The following NELL1 variants were observed in gnomAD, a reference collection of about 807,000 sequenced individuals.
The protein encoded by NELL1 is neural EGFL like 1.
Under a neutral mutation model 107.4 loss-of-function variants are expected in NELL1, and 76 were observed. That is an observed-to-expected ratio of 0.71 (90% CI 0.59 to 0.86). The LOEUF is 0.86. Ranked by LOEUF, NELL1 falls within the 40% of genes least tolerant of loss-of-function variation. NELL1 has a pLI of 0.00. For synonymous variants in NELL1, 353 were observed against 341.2 expected (o/e 1.03, Z -0.38); for missense variants, 1,024 against 1,005.5 (o/e 1.02, Z -0.25).
At chr11:20,755,635 A>C (rs1856260594) in intron 2 of NELL1, among the ~76,000 whole-genome samples, 1 of 146,404 alleles carries the variant, frequency 6.8e-6, no homozygotes, top group South Asian at 2.2e-4. Flanking sequence ...AGCTCACTGC[A>C]ACCTCTGTCT....
intron 15 of NELL1, among the ~76,000 whole-genome samples, chr11:21,378,976 C>A (rs1851548405): frequency 6.6e-6 from 1 of 151,926 alleles, no homozygotes; most frequent in South Asian, 2.1e-4. Context: ...CCTCAGCCTC[C>A]CAAAGTGTGC....
intron 12 of NELL1, among the ~76,000 whole-genome samples, chr11:21,076,872 G>A (rs568923610): frequency 6.6e-6 from 1 of 151,860 alleles, no homozygotes; most frequent in Non-Finnish European, 1.5e-5. Flanking sequence ...CTCTGTACAC[G>A]CTGAATCCCC....
At position 20,940,188 on chromosome 11, in the gene NELL1, C is replaced by CGTCCCTCTCTCT. The variant is rs1850819566; in HGVS notation, c.1071+2330_1071+2341dup. 2.0e-5 allele frequency among the ~76,000 whole-genome samples: 3 copies of CGTCCCTCTCTCT among 151,882 alleles called. No individual in the cohort carries two copies. The South Asian group carries it at 6.2e-4, about 32-fold the overall frequency. ...CTCTCCCTCCCTTCCTCCCTCCCTC[C>CGTCCCTCTCTCT]GTCCCTCTCTCTCTCTCTCTGTATG... On this transcript the variant is annotated intron_variant, in intron 10 of 19. Coordinates refer to ENST00000357134, the MANE Select transcript of NELL1 (RefSeq NM_006157.5).
At chr11:21,565,479 T>G (rs1398623099) in intron 17 of NELL1, among the ~76,000 whole-genome samples, 1 of 151,884 alleles carries the variant, frequency 6.6e-6, no homozygotes, top group Non-Finnish European at 1.5e-5. Context: ...GGCTCTACCC[T>G]CAGTATTTTC....
chr11:20,926,740 T>C (rs924643284), intron 7 of NELL1, among the ~76,000 whole-genome samples: 4 of 152,228 alleles, frequency 2.6e-5, no homozygotes, highest in Non-Finnish European at 5.9e-5. Flanking sequence ...TTTCCTGTCC[T>C]TCTTCTAAGC....
chr11:21,249,674 A>T (rs1858588340), intron 14 of NELL1, among the ~76,000 whole-genome samples: 1 of 152,220 alleles, frequency 6.6e-6, no homozygotes, highest in African/African-American at 2.4e-5. Context: ...TAAGGTCACA[A>T]ATTGAATCAA....
At chr11:21,344,160 G>T (rs527712417) in intron 14 of NELL1, among the ~76,000 whole-genome samples, 1 of 152,162 alleles carries the variant, frequency 6.6e-6, no homozygotes, top group African/African-American at 2.4e-5. Context: ...GCCCTCAAAT[G>T]TTGTGGCTTT....
At chr11:21,396,687 A>G (rs58873646) in intron 15 of NELL1, among the ~76,000 whole-genome samples, 3,662 of 151,750 alleles carry the variant, frequency 0.024, 66 homozygotes, top group East Asian at 0.065. Context: ...GATCTTTGGT[A>G]GGGTTTTAGA....
chr11:21,522,568 C>T (rs1041607746), intron 15 of NELL1, among the ~76,000 whole-genome samples: 9 of 151,770 alleles, frequency 5.9e-5, no homozygotes, highest in Non-Finnish European at 1.2e-4. Context: ...TGAAGGTGTG[C>T]GGGGTGGGAG....
At chr11:21,571,886 C>G (rs753000582) in intron 18 of NELL1, among the ~76,000 whole-genome samples, 9 of 151,860 alleles carry the variant, frequency 5.9e-5, no homozygotes, top group Non-Finnish European at 1.3e-4. Flanking sequence ...CGTAATTTAA[C>G]ATTTGCTGAC....
At chr11:20,897,155 T>C (rs1256156197) in intron 5 of NELL1, among the ~76,000 whole-genome samples, 2 of 152,156 alleles carry the variant, frequency 1.3e-5, no homozygotes, top group Non-Finnish European at 2.9e-5. Flanking sequence ...CTACCTGACT[T>C]CAAACTATAC....
intron 15 of NELL1, among the ~76,000 whole-genome samples, chr11:21,523,354 T>C (rs1855775078): frequency 6.6e-6 from 1 of 152,184 alleles, no homozygotes; most frequent in Admixed American, 6.5e-5. Context: ...ACATTTATTG[T>C]AAATATTGAT....
intron 13 of NELL1, among the ~76,000 whole-genome samples, chr11:21,207,042 A>T (rs1208749381): frequency 6.6e-6 from 1 of 152,200 alleles, no homozygotes; most frequent in African/African-American, 2.4e-5. Flanking sequence ...TCTTTCTTTT[A>T]TTCTAGTTGT....
At chr11:20,868,418 T>C (rs1004017947) in intron 4 of NELL1, among the ~76,000 whole-genome samples, 3 of 152,188 alleles carry the variant, frequency 2.0e-5, no homozygotes, top group African/African-American at 7.2e-5. Context: ...TTAATGGTTA[T>C]AGGGTTTCTG....
At chr11:21,289,667 T>A (rs369430899) in intron 14 of NELL1, among the ~76,000 whole-genome samples, 3 of 152,214 alleles carry the variant, frequency 2.0e-5, no homozygotes, top group Admixed American at 2.0e-4. Context: ...ACAGAACCAT[T>A]CACTCTCCTG....
intron 14 of NELL1, among the ~76,000 whole-genome samples, chr11:21,348,782 T>C (rs1850739748): frequency 6.6e-6 from 1 of 152,092 alleles, no homozygotes. Flanking sequence ...GCTGAATTGA[T>C]AAATGGGGAA....
intron 13 of NELL1, among the ~76,000 whole-genome samples, chr11:21,215,275 C>A (rs1188917151): frequency 6.6e-6 from 1 of 152,168 alleles, no homozygotes; most frequent in Admixed American, 6.5e-5. Flanking sequence ...GCTTCTTCTT[C>A]TGCCATGATT....
chr11:21,532,998 C>G (rs997732263), intron 15 of NELL1, among the ~76,000 whole-genome samples: 1 of 152,182 alleles, frequency 6.6e-6, no homozygotes, highest in Non-Finnish European at 1.5e-5. Context: ...ATAATAAACA[C>G]ACACAGCCTA....
chr11:20,712,106 A>G (rs1459599814), intron 2 of NELL1, among the ~76,000 whole-genome samples: 1 of 152,136 alleles, frequency 6.6e-6, no homozygotes, highest in Non-Finnish European at 1.5e-5. Flanking sequence ...ATTTGGTCAT[A>G]TAACATATTC....
Sources: gnomAD v4.1 joint callset for allele counts (sites outside exome capture counted in the v4.1 genomes callset) on GRCh38, gnomAD v4.1.1 for gene constraint, MANE v1.5 for transcripts, NCBI Gene and HGNC (gene_info 2026-07-23, HGNC 2026-07-21) for gene names.